The following FRMD6 variants were observed in gnomAD, a reference collection of about 807,000 sequenced individuals.
The protein encoded by FRMD6 is FERM domain containing 6, also known as FERM domain-containing protein 6.
FRMD6 carries 37 observed loss-of-function variants against 73.2 expected under a neutral mutation model. The ratio of observed to expected loss-of-function variants is 0.51; its 90% CI spans 0.39 to 0.66. The LOEUF is 0.66. Ranked by LOEUF, FRMD6 falls within the 30% of genes least tolerant of loss-of-function variation. The pLI is 0.00. For synonymous variants in FRMD6, 273 were observed against 282.2 expected, an observed-to-expected ratio of 0.97 and a Z score of 0.33; for missense variants, 714 against 780.5, an observed-to-expected ratio of 0.91 and a Z score of 1.02.
chr14:51,727,988 C>A lies in FRMD6; in HGVS notation c.1828C>A (p.Leu610Met). 5 of 1,612,602 alleles carry A rather than the reference C, an allele frequency of 3.1e-6. No homozygotes were observed. The highest frequency in any genetic ancestry group is 4.2e-6 in the Non-Finnish European group (5 of 1,178,666). Residue 610 changes from leucine to methionine, a missense_variant, in exon 14 of 14, where the codon CTG becomes ATG. Coordinates refer to ENST00000344768, the MANE Select transcript of FRMD6 (RefSeq NM_001267046.2). ...PVKRTSKYFSLDLTHDEVPEF... is the reference protein window; with the variant it reads ...PVKRTSKYFSMDLTHDEVPEF... The stretch of plus-strand genomic sequence containing the variant: ...CAAAAGAACCAGCAAATACTTTTCT[C>A]TGGATCTCACTCATGATGAAGTTCC...
the FRMD6 span, among the ~76,000 whole-genome samples, chr14:51,425,250 C>T: frequency 3.9e-5 from 6 of 152,162 alleles, no homozygotes; most frequent in South Asian, 2.1e-4. Context: ...TGATTATCCT[C>T]GTCCTTGAGC....
At chr14:51,645,738 C>T (rs1247390374) in intron 2 of FRMD6, among the ~76,000 whole-genome samples, 3 of 152,052 alleles carry the variant, frequency 2.0e-5, no homozygotes, top group African/African-American at 7.2e-5. Flanking sequence ...GCAGGAGCCA[C>T]CACATTTGGC....
chr14:51,593,794 T>C (rs549708282), intron 2 of FRMD6, among the ~76,000 whole-genome samples: 6 of 152,146 alleles, frequency 3.9e-5, no homozygotes, highest in Non-Finnish European at 8.8e-5. Context: ...AAATTGAAGA[T>C]GGCAATTTGA....
At chr14:51,462,794 G>C in the FRMD6 span, among the ~76,000 whole-genome samples, 1 of 152,056 alleles carries the variant, frequency 6.6e-6, no homozygotes, top group Non-Finnish European at 1.5e-5. Flanking sequence ...AAGAGAGAGA[G>C]AGAGAGAGAG....
chr14:51,678,529 G>A (rs944253672), intron 1 of FRMD6, among the ~76,000 whole-genome samples: 2 of 152,108 alleles, frequency 1.3e-5, no homozygotes, highest in Non-Finnish European at 2.9e-5. Flanking sequence ...CTCCCATTGT[G>A]GGGGAAAAGT....
chr14:51,715,916 G>A (rs1258978848), intron 10 of FRMD6, among the ~76,000 whole-genome samples: 1 of 152,198 alleles, frequency 6.6e-6, no homozygotes, highest in African/African-American at 2.4e-5. Context: ...TCTTTCCAAT[G>A]TGATTATTTC....
upstream of FRMD6, among the ~76,000 whole-genome samples, chr14:51,647,711 A>G (rs2357116): frequency 0.38 from 57,442 of 152,076 alleles, 11,120 homozygotes; most frequent in Middle Eastern, 0.45. Flanking sequence ...ATTCTGGAAA[A>G]GTATTCTTTA....
At chr14:51,515,311 A>T (rs1275277908) in intron 1 of FRMD6, among the ~76,000 whole-genome samples, 4 of 152,160 alleles carry the variant, frequency 2.6e-5, no homozygotes, top group African/African-American at 7.2e-5. Context: ...TACCACTCAG[A>T]CCTGACTATC....
At chr14:51,617,532 T>C (rs1349303944) in intron 2 of FRMD6, among the ~76,000 whole-genome samples, 2 of 152,190 alleles carry the variant, frequency 1.3e-5, no homozygotes, top group African/African-American at 2.4e-5. Context: ...ATATTTAATA[T>C]GATATATTGC....
chr14:51,516,880 C>A (rs977652781), intron 1 of FRMD6, among the ~76,000 whole-genome samples: 1 of 152,178 alleles, frequency 6.6e-6, no homozygotes, highest in Non-Finnish European at 1.5e-5. Context: ...ATCTTCCCTG[C>A]TGGAAACAGT....
intron 2 of FRMD6, chr14:51,692,645 A>G (rs1014369405): frequency 1.3e-5 from 2 of 152,210 alleles, no homozygotes; most frequent in African/African-American, 4.8e-5. Flanking sequence ...GTTATAGAGA[A>G]CAGACTGGAA....
chr14:51,644,735 ACT>A (rs1891988719), intron 2 of FRMD6, among the ~76,000 whole-genome samples: 1 of 152,222 alleles, frequency 6.6e-6, no homozygotes, highest in Admixed American at 6.5e-5. Context: ...TCCAATATGG[ACT>A]ATTTGCAGAA....
chr14:51,642,888 A>G (rs988396081), intron 2 of FRMD6, among the ~76,000 whole-genome samples: 12 of 152,178 alleles, frequency 7.9e-5, no homozygotes, highest in African/African-American at 2.9e-4. Context: ...GAAAGCCCTA[A>G]AAGAGCCAGG....
chr14:51,664,928 T>A (rs1037063169), intron 1 of FRMD6, among the ~76,000 whole-genome samples: 1 of 152,178 alleles, frequency 6.6e-6, no homozygotes, highest in Admixed American at 6.5e-5. Flanking sequence ...TGCTGGGGAT[T>A]TTACATTGTA....
At chr14:51,668,121 T>C (rs1477790735) in intron 1 of FRMD6, among the ~76,000 whole-genome samples, 3 of 152,216 alleles carry the variant, frequency 2.0e-5, no homozygotes, top group Non-Finnish European at 4.4e-5. Context: ...CAGTATATTA[T>C]AGATACAGGG....
At chr14:51,492,295 G>A (rs2140172112) in intron 1 of FRMD6, among the ~76,000 whole-genome samples, 1 of 152,246 alleles carries the variant, frequency 6.6e-6, no homozygotes, top group South Asian at 2.1e-4. Flanking sequence ...CTGTTTGCCT[G>A]TGGTCCTACA....
chr14:51,701,286 A>G (rs533407008), intron 4 of FRMD6, 127 bp downstream of exon 4: 1 of 403,106 alleles, frequency 2.5e-6, no homozygotes, highest in Non-Finnish European at 4.5e-6. Context: ...TACTTTATCT[A>G]CTAAGTTATA....
chr14:51,680,170 C>CTG (rs893974864), intron 1 of FRMD6, among the ~76,000 whole-genome samples: 35 of 152,320 alleles, frequency 2.3e-4, no homozygotes, highest in African/African-American at 8.2e-4. Context: ...GGAGAAGGCT[C>CTG]TGTAACCAGG....
chr14:51,688,161 T>C (rs1408891865), intron 1 of FRMD6, among the ~76,000 whole-genome samples: 1 of 152,140 alleles, frequency 6.6e-6, no homozygotes, highest in Non-Finnish European at 1.5e-5. Context: ...GCATAGTTTG[T>C]GGTCCTAGAA....
Sources: gnomAD v4.1 joint callset for allele counts (sites outside exome capture counted in the v4.1 genomes callset) on GRCh38, gnomAD v4.1.1 for gene constraint, MANE v1.5 for transcripts, NCBI Gene and HGNC (gene_info 2026-07-23, HGNC 2026-07-21) for gene names.